The following SLC35F1 variants were observed in gnomAD, a reference collection of about 807,000 sequenced individuals.
The protein encoded by SLC35F1 is solute carrier family 35 member F1, also known as chromosome 6 open reading frame 169.
A neutral mutation model predicts 48.7 loss-of-function variants in SLC35F1; 14 were observed. That is an observed-to-expected ratio of 0.29 (90% CI 0.19 to 0.45). SLC35F1 has a LOEUF of 0.45. Among genes scored for constraint, SLC35F1 ranks in the 20% least tolerant of loss-of-function variants. The pLI, the probability that SLC35F1 is intolerant of heterozygous loss-of-function variation, is 1.00. For missense variants in SLC35F1, 404 were observed against 500.0 expected (o/e 0.81, Z 1.83); for synonymous variants, 190 against 202.2 (o/e 0.94, Z 0.51).
At chr6:118,206,398 C>A (rs1195588399) in intron 2 of SLC35F1, among the ~76,000 whole-genome samples, 1 of 152,130 alleles carries the variant, frequency 6.6e-6, no homozygotes, top group African/African-American at 2.4e-5. Context: ...CCTAACCTTA[C>A]TTCTTACTCT....
chr6:118,023,050 G>C (rs192611346), intron 1 of SLC35F1, among the ~76,000 whole-genome samples: 1 of 152,242 alleles, frequency 6.6e-6, no homozygotes, highest in East Asian at 1.9e-4. Context: ...GAGCCACCAT[G>C]CCCGGCCGGG....
chr6:118,142,910 G>T (rs538126238), intron 1 of SLC35F1, among the ~76,000 whole-genome samples: 2 of 152,118 alleles, frequency 1.3e-5, no homozygotes, highest in African/African-American at 2.4e-5. Context: ...GCAAAGGCCA[G>T]ATATCTTTGT....
At chr6:117,960,823 T>A (rs1302219647) in intron 1 of SLC35F1, among the ~76,000 whole-genome samples, 1 of 152,140 alleles carries the variant, frequency 6.6e-6, no homozygotes, top group Admixed American at 6.5e-5. Flanking sequence ...TCAGAGCTTA[T>A]TTTAGGAAAG....
intron 1 of SLC35F1, among the ~76,000 whole-genome samples, chr6:117,984,435 C>T (rs1776822357): frequency 6.9e-6 from 1 of 144,378 alleles, no homozygotes; most frequent in African/African-American, 2.6e-5. Flanking sequence ...GGAGGCCGAG[C>T]TTGTAGTGAG....
intron 2 of SLC35F1, among the ~76,000 whole-genome samples, chr6:118,189,074 G>C (rs1774698418): frequency 6.6e-6 from 1 of 152,048 alleles, no homozygotes; most frequent in South Asian, 2.1e-4. Flanking sequence ...ACCATGCCTG[G>C]CTAGTTTTTA....
chr6:118,258,985 T>G (rs1346430060), intron 3 of SLC35F1, among the ~76,000 whole-genome samples: 1 of 151,840 alleles, frequency 6.6e-6, no homozygotes, highest in African/African-American at 2.4e-5. Context: ...AGAGAAGAAG[T>G]TTTTTTAAAA....
At chr6:118,288,666 C>G (rs745712136) in intron 7 of SLC35F1, among the ~76,000 whole-genome samples, 2 of 152,144 alleles carry the variant, frequency 1.3e-5, no homozygotes, top group African/African-American at 4.8e-5. Flanking sequence ...CCAGTTGGCT[C>G]TTCCTGAATT....
intron 7 of SLC35F1, among the ~76,000 whole-genome samples, chr6:118,303,173 A>G (rs1168206837): frequency 6.6e-6 from 1 of 152,102 alleles, no homozygotes; most frequent in African/African-American, 2.4e-5. Context: ...TCATTTTGTC[A>G]AGGGGTTTCC....
intron 1 of SLC35F1, among the ~76,000 whole-genome samples, chr6:118,041,887 A>G (rs1772227078): frequency 1.3e-5 from 2 of 152,008 alleles, no homozygotes; most frequent in Non-Finnish European, 2.9e-5. Flanking sequence ...TATCTACTGG[A>G]TGAGGACTTC....
intron 2 of SLC35F1, among the ~76,000 whole-genome samples, chr6:118,163,450 A>T (rs454291): frequency 2.2e-5 from 3 of 139,534 alleles, no homozygotes; most frequent in Non-Finnish European, 4.7e-5. Context: ...ACACACACAC[A>T]CTCTATACAT....
chr6:118,056,682 G>A (rs115205627), intron 1 of SLC35F1, among the ~76,000 whole-genome samples: 1,911 of 152,202 alleles, frequency 0.013, 40 homozygotes, highest in African/African-American at 0.043. Context: ...ATTCTAGTTC[G>A]GTGAACCCAA....
At chr6:118,082,936 A>G (rs1264391938) in intron 1 of SLC35F1, among the ~76,000 whole-genome samples, 1 of 152,006 alleles carries the variant, frequency 6.6e-6, no homozygotes, top group African/African-American at 2.4e-5. Flanking sequence ...CCTGGATGAC[A>G]CTCACCCCCG....
intron 1 of SLC35F1, among the ~76,000 whole-genome samples, chr6:118,029,015 C>T (rs1772001016): frequency 6.6e-6 from 1 of 152,006 alleles, no homozygotes; most frequent in South Asian, 2.1e-4. Flanking sequence ...AAGGCACATG[C>T]AGTTAAACAT....
chr6:118,160,703 C>G (rs1774217278), intron 2 of SLC35F1, among the ~76,000 whole-genome samples: 1 of 152,082 alleles, frequency 6.6e-6, no homozygotes, highest in Non-Finnish European at 1.5e-5. Flanking sequence ...CTCTCCTGGC[C>G]CCTTCTGCTT....
At chr6:118,051,807 G>T (rs145440159) in intron 1 of SLC35F1, among the ~76,000 whole-genome samples, 2 of 152,184 alleles carry the variant, frequency 1.3e-5, no homozygotes, top group African/African-American at 4.8e-5. Flanking sequence ...AGCCCAGCTT[G>T]CAAGCTGACT....
intron 1 of SLC35F1, among the ~76,000 whole-genome samples, chr6:118,149,122 G>T (rs1774018173): frequency 6.6e-6 from 1 of 152,190 alleles, no homozygotes; most frequent in South Asian, 2.1e-4. Flanking sequence ...AGGAGCTTAT[G>T]AGCTACACAA....
intron 1 of SLC35F1, among the ~76,000 whole-genome samples, chr6:117,966,233 C>T (rs1321692086): frequency 1.4e-5 from 2 of 145,250 alleles, no homozygotes; most frequent in African/African-American, 5.2e-5. Flanking sequence ...CGCAATAAAT[C>T]TTGCTGCTGC....
chr6:117,950,703 T>C (rs945001742), intron 1 of SLC35F1, among the ~76,000 whole-genome samples: 1 of 152,180 alleles, frequency 6.6e-6, no homozygotes, highest in African/African-American at 2.4e-5. Context: ...ATTAAGATGA[T>C]AGATATAGAG....
intron 2 of SLC35F1, among the ~76,000 whole-genome samples, chr6:118,199,464 A>C (rs912749848): frequency 4.6e-5 from 7 of 152,230 alleles, no homozygotes; most frequent in African/African-American, 1.7e-4. Flanking sequence ...GTCATGATTA[A>C]TTAAACAATC....
Sources: gnomAD v4.1 joint callset for allele counts (sites outside exome capture counted in the v4.1 genomes callset) on GRCh38, gnomAD v4.1.1 for gene constraint, MANE v1.5 for transcripts, NCBI Gene and HGNC (gene_info 2026-07-23, HGNC 2026-07-21) for gene names.